MTG2: variants seen among roughly 807,000 people sequenced by gnomAD.
MTG2 encodes mitochondrial ribosome-associated GTPase 2.
A neutral mutation model predicts 28.6 loss-of-function variants in MTG2; 23 were observed. That is an observed-to-expected ratio of 0.80 (90% CI 0.58 to 1.14). The LOEUF (loss-of-function observed/expected upper bound fraction) is 1.14. Among genes scored for constraint, MTG2 ranks in the 50% most tolerant of loss-of-function variants. MTG2 has a pLI of 0.00. For missense variants in MTG2, 539 were observed against 552.0 expected, an observed-to-expected ratio of 0.98 and a Z score of 0.24; for synonymous variants, 260 against 251.8, an observed-to-expected ratio of 1.03 and a Z score of -0.31.
chr20:62,194,590 T>A (rs113191042), intron 2 of MTG2, among the ~76,000 whole-genome samples: 1 of 152,244 alleles, frequency 6.6e-6, no homozygotes, highest in Admixed American at 6.5e-5. Context: ...TTTTAAATTT[T>A]TTTTTGTGTT....
chr20:62,195,834 T>C lies in MTG2; in HGVS notation c.237T>C (p.Leu79=), dbSNP rs1364874199. ...KRYFVDYRRV[L]VCGGNGGAGA... ...ACTTTGTGGACTATCGGAGAGTGCT[T>C]GTCTGTGGAGGAAACGGAGGCGCTG... The change falls in exon 3 of 7, where the codon CTT becomes CTC. Residue 79 remains leucine (L), a synonymous_variant. Transcript: ENST00000370823. 1 of 1,614,074 alleles carries C rather than the reference T, an allele frequency of 6.2e-7. No homozygotes were observed. The highest frequency in any genetic ancestry group is 1.7e-5 in the Admixed American group (1 of 60,008).
intron 1 of MTG2, among the ~76,000 whole-genome samples, chr20:62,187,784 T>C (rs2145830802): frequency 6.6e-6 from 1 of 152,304 alleles, no homozygotes; most frequent in South Asian, 2.1e-4. Flanking sequence ...ACCTGTTTTT[T>C]TCTGTTACAT....
intron 2 of MTG2, among the ~76,000 whole-genome samples, chr20:62,194,642 C>A (rs2058026640): frequency 6.9e-6 from 1 of 144,050 alleles, no homozygotes; most frequent in African/African-American, 2.5e-5. Flanking sequence ...TTAAAATTTT[C>A]TTTTAAAAGA....
chr20:62,192,758 G>A (rs79575517), intron 1 of MTG2, among the ~76,000 whole-genome samples: 4,855 of 152,266 alleles, frequency 0.032, 110 homozygotes, highest in Non-Finnish European at 0.05. Flanking sequence ...TGTCACTCAG[G>A]AAATTACCAG....
chr20:62,200,324 C>T (rs2058142144), intron 6 of MTG2: 1 of 199,148 alleles, frequency 5.0e-6, no homozygotes, highest in Non-Finnish European at 1.0e-5. Context: ...ATGTAAATTT[C>T]TATCAGTAAT....
At chr20:62,189,643 A>G (rs1053500183) in intron 1 of MTG2, among the ~76,000 whole-genome samples, 4 of 149,004 alleles carry the variant, frequency 2.7e-5, no homozygotes, top group African/African-American at 7.4e-5. Context: ...CTGCCTTTTA[A>G]TTAGAATTTG....
chr20:62,184,238 A>G lies in MTG2; in HGVS notation c.-6+1181A>G, dbSNP rs370360990. On this transcript the variant is annotated intron_variant, in intron 1 of 6. Transcript: ENST00000370823. ...CCGGGCGTGGTGGCAGGCGCCTGTA[A>G]TCCCAGCTACTGGGGAGGCTGAGGC... 4.4e-4 allele frequency among the ~76,000 whole-genome samples: 67 copies of G among 152,242 alleles called. 1 individual carries two copies. In the East Asian group the frequency reaches 6.9e-3, roughly 16 times the overall value.
chr20:62,193,259 C>T (rs1350527407), intron 1 of MTG2, among the ~76,000 whole-genome samples, 157 bp from the exon 2 acceptor site: 2 of 152,140 alleles, frequency 1.3e-5, no homozygotes, highest in Non-Finnish European at 2.9e-5. Context: ...GACCCAGGGC[C>T]GAGAGGGTGA....
intron 1 of MTG2, among the ~76,000 whole-genome samples, chr20:62,192,683 ACT>A (rs2057983019): frequency 6.6e-6 from 1 of 151,062 alleles, no homozygotes; most frequent in Non-Finnish European, 1.5e-5. Context: ...AGAACAGAAG[ACT>A]CTCCTGTCAC....
intron 1 of MTG2, among the ~76,000 whole-genome samples, 192 bp from the exon 2 acceptor site, chr20:62,193,224 G>A (rs1027779685): frequency 1.8e-4 from 28 of 151,838 alleles, no homozygotes; most frequent in Admixed American, 1.6e-3. Context: ...TCACAGATAG[G>A]CTGACGGGTC....
At chr20:62,200,626 C>G in intron 6 of MTG2, 57 bp from the exon 7 acceptor site, 4 of 1,519,252 alleles carry the variant, frequency 2.6e-6, no homozygotes, top group Non-Finnish European at 3.5e-6. Flanking sequence ...GTGGAAGGCG[C>G]TCTTGGGTGC....
At position 62,201,315 on chromosome 20, in the gene MTG2, G is replaced by T; in HGVS notation, c.*238G>T. 1.6e-5 allele frequency: 9 copies of T among 573,460 alleles called. No individual in the cohort carries two copies. The highest frequency in any genetic ancestry group is 2.7e-5 in the Non-Finnish European group (9 of 327,292). The allele number at this position is 573,460 out of a possible 1,614,324, so 35.5% of individuals were successfully genotyped here. On this transcript the variant is annotated 3_prime_UTR_variant, in exon 7 of 7. Transcript: ENST00000370823. Reference sequence around the variant, plus strand: ...GCCTGCACCGACTGATGAGCCAGTTGCTCATTTGTGCTGATTAACACCCCT... The same window carrying T: ...GCCTGCACCGACTGATGAGCCAGTTTCTCATTTGTGCTGATTAACACCCCT...
At chr20:62,190,213 G>A (rs1480601842) in intron 1 of MTG2, among the ~76,000 whole-genome samples, 1 of 152,130 alleles carries the variant, frequency 6.6e-6, no homozygotes, top group African/African-American at 2.4e-5. Flanking sequence ...TTCATACTGT[G>A]CCCCTCACAG....
At chr20:62,197,610 A>G in intron 3 of MTG2, 1 of 447,916 alleles carries the variant, frequency 2.2e-6, no homozygotes. Flanking sequence ...CAACAAAAGC[A>G]TAGAATACAG....
intron 1 of MTG2, among the ~76,000 whole-genome samples, chr20:62,184,787 A>G (rs1439645582): frequency 1.3e-5 from 2 of 152,212 alleles, no homozygotes; most frequent in East Asian, 3.9e-4. Context: ...TACCCCTCGC[A>G]GGGTATTATC....
In MTG2 at chr20:62,195,144, C is replaced by T. The variant is rs570959704; in HGVS notation, c.205-658C>T. ...CTGGGAGGCAGAGCTTGCAGTGAGCCGAGATCCCACCGTTGCACTCCAGCC... is the reference window on the plus strand; with the variant it reads ...CTGGGAGGCAGAGCTTGCAGTGAGCTGAGATCCCACCGTTGCACTCCAGCC... On this transcript the variant is annotated intron_variant, in intron 2 of 6. Coordinates refer to ENST00000370823, the MANE Select transcript of MTG2 (RefSeq NM_015666.4). 3.3e-5 allele frequency among the ~76,000 whole-genome samples: 5 copies of T among 152,044 alleles called. No homozygotes were observed. In the East Asian group the frequency reaches 5.8e-4, roughly 18 times the overall value.
At chr20:62,193,120 T>C (rs1428745799) in intron 1 of MTG2, among the ~76,000 whole-genome samples, 1 of 152,244 alleles carries the variant, frequency 6.6e-6, no homozygotes, top group East Asian at 1.9e-4. Flanking sequence ...AATATTTTCG[T>C]TGAGCGGAAC....
Position 62,198,665 on chromosome 20 carries a change from G to A in MTG2, c.500G>A (p.Gly167Asp). The change falls in exon 5 of 7, where the codon GGC (glycine) becomes GAC (aspartate). Residue 167 changes from glycine to aspartate, a missense_variant. Coordinates refer to ENST00000370823, the MANE Select transcript of MTG2 (RefSeq NM_015666.4). ...GTGGGCACGCTGGTGAAGGAGGGAG[G>A]CAGAGTTGTGGCCGACCTGTCTTGC... The part of the protein sequence containing the change: ...VPVGTLVKEG[G>D]RVVADLSCVG... The A allele has an allele frequency of 6.2e-7, 1 of 1,614,040 alleles. No homozygotes were observed.
At position 62,197,753 on chromosome 20, in the gene MTG2, A is replaced by G. The variant is rs552489636; in HGVS notation, c.353-99A>G. 6.7e-5 allele frequency: 63 copies of G among 939,754 alleles called. No homozygotes were observed. The East Asian group carries it at 1.0e-3, about 15-fold the overall frequency. The allele number at this position is 939,754 out of a possible 1,614,324, so 58.2% of individuals were successfully genotyped here. A position where few individuals can be genotyped will look rare whatever the true frequency, so the allele number is the denominator to read the frequency against. On this transcript the variant is annotated intron_variant, in intron 3 of 6. Coordinates refer to ENST00000370823, the MANE Select transcript of MTG2 (RefSeq NM_015666.4). ...TGCTGCACCCTCACTCCATGCTTCC[A>G]TACCTATTTTTAAGGTTCTTAAACT...
Sources: allele counts gnomAD v4.1 joint callset (sites outside exome capture counted in the v4.1 genomes callset), GRCh38; gene constraint gnomAD v4.1.1; transcripts MANE v1.5; gene names NCBI Gene and HGNC (gene_info 2026-07-23, HGNC 2026-07-21).